USP54: variants seen among roughly 807,000 people sequenced by gnomAD.
The protein encoded by USP54 is ubiquitin specific peptidase 54.
USP54 carries 87 observed loss-of-function variants against 170.5 expected under a neutral mutation model. The observed-to-expected ratio is 0.51, with a 90% CI of 0.43 to 0.61. USP54 has a LOEUF of 0.61. USP54 is among the 20% of genes least tolerant of loss of function. The probability of loss-of-function intolerance (pLI) is 0.00; values close to 1 mark genes in which losing one functional copy is unlikely to be tolerated. For synonymous variants in USP54, 655 were observed against 742.8 expected (o/e 0.88, Z 1.92); for missense variants, 1,786 against 2,047.8 (o/e 0.87, Z 2.47).
At chr10:73,541,807 A>G in intron 7 of USP54, 69 bp from the exon 8 acceptor site, 1 of 1,463,390 alleles carries the variant, frequency 6.8e-7, no homozygotes, top group Non-Finnish European at 9.5e-7. Flanking sequence ...ACATTAATGT[A>G]CATTCCTAAC....
intron 4 of USP54, among the ~76,000 whole-genome samples, chr10:73,547,558 G>T (rs1363063992): frequency 6.6e-6 from 1 of 152,158 alleles, no homozygotes; most frequent in Non-Finnish European, 1.5e-5. Flanking sequence ...GAACAGAACA[G>T]AGGCCTCAGA....
chr10:73,514,732 G>A (rs2060780477), intron 20 of USP54, among the ~76,000 whole-genome samples: 1 of 151,464 alleles, frequency 6.6e-6, no homozygotes, highest in South Asian at 2.1e-4. Flanking sequence ...CGGATCCTCA[G>A]AAATGTATCT....
chr10:73,575,072 C>T (rs1459074202), intron 3 of USP54, among the ~76,000 whole-genome samples: 2 of 151,588 alleles, frequency 1.3e-5, no homozygotes, highest in Non-Finnish European at 2.9e-5. Flanking sequence ...TAAAAACACA[C>T]AAATTAGCTG....
intron 16 of USP54, among the ~76,000 whole-genome samples, chr10:73,525,121 G>A (rs2062625853): frequency 6.6e-6 from 1 of 152,106 alleles, no homozygotes; most frequent in Non-Finnish European, 1.5e-5. Flanking sequence ...TTTAAAAATG[G>A]TGCTTACCTA....
At chr10:73,554,222 G>C (rs1432407305) in intron 4 of USP54, among the ~76,000 whole-genome samples, 1 of 152,178 alleles carries the variant, frequency 6.6e-6, no homozygotes, top group African/African-American at 2.4e-5. Context: ...CAAGGTCTTT[G>C]GAAAGTGCTC....
At chr10:73,579,400 C>T (rs2076571456) in intron 1 of USP54, among the ~76,000 whole-genome samples, 1 of 152,116 alleles carries the variant, frequency 6.6e-6, no homozygotes, top group Non-Finnish European at 1.5e-5. Context: ...TTGCAAGTCA[C>T]ATAATAGATA....
In USP54 at chr10:73,516,777, C is replaced by T; in HGVS notation, c.3649G>A (p.Gly1217Ser). ...SLALNSGLPN[G>S]ETSSGGQPRL... ...GGCTGTCCTCCGCTAGAAGTTTCACCATTAGGCAGCCCAGAGTTTAAGGCA... is the reference window on the plus strand; with the variant it reads ...GGCTGTCCTCCGCTAGAAGTTTCACTATTAGGCAGCCCAGAGTTTAAGGCA... The change falls in exon 20 of 24, where the codon GGT (glycine) becomes AGT (serine). Residue 1217 changes from glycine (G) to serine (S), a missense_variant. Transcript: ENST00000687698. The T allele has an allele frequency of 6.2e-7, 1 of 1,614,150 alleles. No homozygotes were observed.
chr10:73,613,794 A>G (rs2080367044), intron 1 of USP54, among the ~76,000 whole-genome samples: 1 of 151,730 alleles, frequency 6.6e-6, no homozygotes, highest in Non-Finnish European at 1.5e-5. Context: ...GGGAAGAATC[A>G]CTTGAACCCA....
At chr10:73,613,250 G>A (rs113037468) in intron 1 of USP54, among the ~76,000 whole-genome samples, 5,301 of 150,116 alleles carry the variant, frequency 0.035, 149 homozygotes, top group South Asian at 0.11. Flanking sequence ...TCCTGCCTCA[G>A]CATCCGGAGT....
chr10:73,520,827 C>G (rs1401982458), intron 18 of USP54, 81 bp downstream of exon 18: 1 of 1,589,066 alleles, frequency 6.3e-7, no homozygotes, highest in African/African-American at 1.3e-5. Context: ...CTGTTTTTAT[C>G]CTGTCTGAGT....
At chr10:73,596,888 C>T (rs564364092) in intron 1 of USP54, among the ~76,000 whole-genome samples, 13 of 151,902 alleles carry the variant, frequency 8.6e-5, no homozygotes, top group South Asian at 2.1e-4. Context: ...TGAAAGTTAT[C>T]GACTTAATAA....
chr10:73,559,394 C>G (rs1351645068), intron 4 of USP54, among the ~76,000 whole-genome samples: 1 of 151,944 alleles, frequency 6.6e-6, no homozygotes, highest in Non-Finnish European at 1.5e-5. Context: ...AACCCTGTCT[C>G]TACTAAAAAT....
At chr10:73,585,454 A>T (rs1056134479) in intron 1 of USP54, among the ~76,000 whole-genome samples, 6 of 152,196 alleles carry the variant, frequency 3.9e-5, no homozygotes, top group Non-Finnish European at 5.9e-5. Flanking sequence ...AGGGAAGCCC[A>T]GGTGTCACAT....
intron 1 of USP54, among the ~76,000 whole-genome samples, chr10:73,614,280 C>T (rs904360565): frequency 1.3e-5 from 2 of 149,814 alleles, no homozygotes; most frequent in Non-Finnish European, 2.9e-5. Context: ...CACATGCAGG[C>T]TAGGCGCAAT....
At chr10:73,526,255 T>TC (rs1267054531) in intron 16 of USP54, among the ~76,000 whole-genome samples, 2 of 152,124 alleles carry the variant, frequency 1.3e-5, no homozygotes, top group African/African-American at 4.8e-5. Flanking sequence ...GTAACTGTCC[T>TC]CTTTTTTTTT....
chr10:73,506,038 T>G (rs1244043080), intron 20 of USP54: 1 of 152,238 alleles, frequency 6.6e-6, no homozygotes, highest in African/African-American at 2.4e-5. Context: ...AACACAGTGA[T>G]TTTCTAAAGT....
chr10:73,502,157 C>T (rs965735654), intron 22 of USP54, among the ~76,000 whole-genome samples: 5 of 152,152 alleles, frequency 3.3e-5, no homozygotes, highest in Non-Finnish European at 7.3e-5. Context: ...ATTTCCTTTA[C>T]GAGACTGCAA....
intron 12 of USP54, among the ~76,000 whole-genome samples, chr10:73,534,050 G>A (rs568064371): frequency 5.3e-5 from 8 of 152,286 alleles, no homozygotes; most frequent in Non-Finnish European, 8.8e-5. Flanking sequence ...CATTACAATC[G>A]TCTTTATTGA....
At chr10:73,530,956 G>A (rs2063839759) in intron 12 of USP54, 121 bp from the exon 13 acceptor site, 4 of 1,368,256 alleles carry the variant, frequency 2.9e-6, no homozygotes, top group Non-Finnish European at 4.0e-6. Context: ...AACAGAAGCT[G>A]TAGGGCATAG....
Sources: allele counts gnomAD v4.1 joint callset (sites outside exome capture counted in the v4.1 genomes callset), GRCh38; gene constraint gnomAD v4.1.1; transcripts MANE v1.5; gene names NCBI Gene and HGNC (gene_info 2026-07-23, HGNC 2026-07-21).